Variants in DORIP1 observed in about 807,000 individuals in gnomAD.
DORIP1 encodes the protein dopamine receptor interacting protein 1.
At chr14:44,900,935 A>C in the DORIP1 span, 1 of 1,595,090 alleles carries the variant, frequency 6.3e-7, no homozygotes, top group Non-Finnish European at 8.5e-7. Context: ...GTGCAGGAGG[A>C]TCAGCAGCGC....
At chr14:44,898,994 AC>A in the DORIP1 span, 27 of 152,198 alleles carry the variant, frequency 1.8e-4, no homozygotes, top group Admixed American at 1.8e-3. Flanking sequence ...AAAATAAGAC[AC>A]TGATCTCAGT....
the DORIP1 span, chr14:44,900,693 A>G: frequency 1.2e-6 from 2 of 1,613,484 alleles, no homozygotes; most frequent in Admixed American, 3.3e-5. Context: ...ATTTTGGTAG[A>G]GAGTTTGTAG....
At chr14:44,905,038 G>T in the DORIP1 span, 1 of 193,840 alleles carries the variant, frequency 5.2e-6, no homozygotes, top group African/African-American at 2.3e-5. Flanking sequence ...AACATAAAAT[G>T]TTACTTGTCA....
chr14:44,904,195 T>C, the DORIP1 span: 2 of 985,360 alleles, frequency 2.0e-6, no homozygotes, highest in African/African-American at 1.7e-5. Context: ...TCATTTCTAG[T>C]GTAAGGAACA....
the DORIP1 span, among the ~76,000 whole-genome samples, chr14:44,899,482 ATTCAC>A: frequency 6.6e-6 from 1 of 152,204 alleles, no homozygotes; most frequent in African/African-American, 2.4e-5. Context: ...CTATGCTACT[ATTCAC>A]TTAAGATTGA....
At chr14:44,898,689 ACCCTCTTCT>A in the DORIP1 span, among the ~76,000 whole-genome samples, 9 of 152,262 alleles carry the variant, frequency 5.9e-5, no homozygotes, top group East Asian at 1.7e-3. Flanking sequence ...GATTTGCCAC[ACCCTCTTCT>A]TCCTAAGTGG....
At chr14:44,902,370 C>T in the DORIP1 span, among the ~76,000 whole-genome samples, 3 of 152,068 alleles carry the variant, frequency 2.0e-5, no homozygotes, top group Non-Finnish European at 2.9e-5. Context: ...CTCCATCTCC[C>T]AGGCTGAAGT....
chr14:44,897,515 A>G, the DORIP1 span: 1 of 203,346 alleles, frequency 4.9e-6, no homozygotes, highest in Non-Finnish European at 9.7e-6. Context: ...CTCCATGAGC[A>G]GGCGGCGGCG....
chr14:44,902,505 T>A, the DORIP1 span, among the ~76,000 whole-genome samples: 9 of 151,292 alleles, frequency 5.9e-5, no homozygotes, highest in Non-Finnish European at 8.9e-5. Context: ...ATTTTTGTAT[T>A]TTTTTTTAGA....
At chr14:44,905,802 G>A in the DORIP1 span, 1 of 243,588 alleles carries the variant, frequency 4.1e-6, no homozygotes, top group Admixed American at 5.5e-5. Context: ...ATATCTTGTG[G>A]CCTTTGTATT....
At chr14:44,900,962 A>G in the DORIP1 span, 9 of 1,558,882 alleles carry the variant, frequency 5.8e-6, no homozygotes. Context: ...AATATAAAGT[A>G]AGTTGGTCTA....
the DORIP1 span, chr14:44,903,619 T>C: frequency 8.0e-6 from 8 of 1,005,440 alleles, no homozygotes; most frequent in Non-Finnish European, 8.3e-6. Flanking sequence ...AAGAGGTAAA[T>C]GACAACTAAA....
chr14:44,899,471 G>C, the DORIP1 span, among the ~76,000 whole-genome samples: 2 of 152,226 alleles, frequency 1.3e-5, no homozygotes, highest in East Asian at 3.9e-4. Flanking sequence ...AGCAATATTA[G>C]CTATGCTACT....
chr14:44,905,646 T>A, the DORIP1 span: 30 of 867,304 alleles, frequency 3.5e-5, no homozygotes, highest in Non-Finnish European at 6.7e-6. Context: ...AAGAAAATAG[T>A]TCAACTATAC....
chr14:44,898,158 G>A, the DORIP1 span, among the ~76,000 whole-genome samples: 1 of 152,206 alleles, frequency 6.6e-6, no homozygotes, highest in African/African-American at 2.4e-5. Context: ...TCTAATTACA[G>A]TTCCTAGCTA....
At chr14:44,902,477 T>C in the DORIP1 span, among the ~76,000 whole-genome samples, 1 of 152,084 alleles carries the variant, frequency 6.6e-6, no homozygotes, top group Non-Finnish European at 1.5e-5. Flanking sequence ...CAGGGGCATG[T>C]ACCACCATGC....
At chr14:44,902,597 G>A in the DORIP1 span, among the ~76,000 whole-genome samples, 34 of 152,048 alleles carry the variant, frequency 2.2e-4, no homozygotes, top group Admixed American at 2.2e-3. Context: ...TGGGATTACA[G>A]GCGTGAGCCA....
the DORIP1 span, chr14:44,904,889 T>A: frequency 5.5e-6 from 1 of 181,640 alleles, no homozygotes; most frequent in East Asian, 1.5e-4. Context: ...AAGCACATAC[T>A]AAGTGTTTAA....
the DORIP1 span, among the ~76,000 whole-genome samples, chr14:44,899,903 C>T: frequency 2.2e-5 from 3 of 139,390 alleles, no homozygotes; most frequent in Non-Finnish European, 4.5e-5. Context: ...GTGATCTCGG[C>T]TCACCGCAAC....
Sources: allele counts gnomAD v4.1 joint callset (sites outside exome capture counted in the v4.1 genomes callset), GRCh38; gene constraint gnomAD v4.1.1; transcripts MANE v1.5; gene names NCBI Gene and HGNC (gene_info 2026-07-23, HGNC 2026-07-21).